Variants in MRPL45 observed in about 807,000 individuals in gnomAD.
MRPL45 encodes mitochondrial ribosomal protein L45.
A neutral mutation model predicts 38.1 loss-of-function variants in MRPL45; 20 were observed. The ratio of observed to expected loss-of-function variants is 0.53; its 90% CI spans 0.37 to 0.76. The LOEUF is 0.76. Among genes scored for constraint, MRPL45 ranks in the 30% least tolerant of loss-of-function variants. The probability of loss-of-function intolerance (pLI) is 0.00; values close to 1 mark genes in which losing one functional copy is unlikely to be tolerated. For missense variants in MRPL45, 337 were observed against 395.6 expected (o/e 0.85, Z 1.26); for synonymous variants, 105 against 128.8 (o/e 0.82, Z 1.25).
At chr17:38,302,504 AAGTTT>A (rs1438056905) in intron 3 of MRPL45, among the ~76,000 whole-genome samples, 9 of 92,410 alleles carry the variant, frequency 9.7e-5, no homozygotes, top group East Asian at 4.4e-4. Flanking sequence ...AAAAAAAAAA[AAGTTT>A]GTTTTTTTTT....
At chr17:38,314,080 T>C (rs562244083) in intron 4 of MRPL45, among the ~76,000 whole-genome samples, 1 of 152,298 alleles carries the variant, frequency 6.6e-6, no homozygotes, top group Admixed American at 6.5e-5. Context: ...TTCCCCCCAT[T>C]TTATGGTTTG....
At chr17:38,299,307 C>T (rs768056905) in intron 2 of MRPL45, 44 bp from the exon 3 acceptor site, 136 of 1,353,976 alleles carry the variant, frequency 1.0e-4, no homozygotes, top group Non-Finnish European at 1.4e-4. Context: ...GAGTTTTTCT[C>T]AATCTTTCAA....
intron 4 of MRPL45, among the ~76,000 whole-genome samples, chr17:38,309,066 C>T (rs537443979): frequency 0.018 from 2,737 of 151,144 alleles, 67 homozygotes; most frequent in African/African-American, 0.063. Flanking sequence ...GCCACCACGC[C>T]CAGCTAATTT....
At chr17:38,301,701 A>T (rs1259693650) in intron 3 of MRPL45, among the ~76,000 whole-genome samples, 1 of 152,242 alleles carries the variant, frequency 6.6e-6, no homozygotes, top group Non-Finnish European at 1.5e-5. Context: ...GTGATGATGA[A>T]CAAAGCACAT....
At chr17:38,318,887 G>A in intron 5 of MRPL45, 152 bp downstream of exon 5, 1 of 631,198 alleles carries the variant, frequency 1.6e-6, no homozygotes, top group South Asian at 1.9e-5. Flanking sequence ...GAGTGCAATG[G>A]TGCGATCTTG....
chr17:38,318,500 C>T (rs1248098783), intron 4 of MRPL45, among the ~76,000 whole-genome samples, 187 bp from the exon 5 acceptor site: 2 of 150,610 alleles, frequency 1.3e-5, no homozygotes, highest in African/African-American at 4.9e-5. Context: ...TTAGGGTTTT[C>T]TGGTAAATCA....
intron 4 of MRPL45, among the ~76,000 whole-genome samples, chr17:38,307,803 T>C (rs2037068982): frequency 6.6e-6 from 1 of 151,838 alleles, no homozygotes; most frequent in Non-Finnish European, 1.5e-5. Context: ...CCAAAACCTG[T>C]AGTCTAAAAT....
Position 38,300,953 on chromosome 17 carries a change from A to T in MRPL45, c.362+1485A>T, listed in dbSNP as rs533135637. On this transcript the variant is annotated intron_variant, in intron 3 of 7. Transcript: ENST00000613675. Reference sequence around the variant, plus strand: ...AAGGGCGAAACTCTGTCTCAAAAAAAAATAATAATAAAAAAGATTTTATCA... The same window carrying T: ...AAGGGCGAAACTCTGTCTCAAAAAATAATAATAATAAAAAAGATTTTATCA... Among the ~76,000 whole-genome samples the T allele has an allele frequency of 5.3e-5, 8 of 152,360 alleles. No individual in the cohort carries two copies. The East Asian group carries it at 9.7e-4, about 18-fold the overall frequency.
At chr17:38,309,207 C>T (rs1345601142) in intron 4 of MRPL45, among the ~76,000 whole-genome samples, 1 of 149,698 alleles carries the variant, frequency 6.7e-6, no homozygotes, top group Admixed American at 6.7e-5. Flanking sequence ...GCCCAGCTGA[C>T]TTTGTGTGCT....
In MRPL45 at chr17:38,311,102, T is replaced by C. The variant is rs569439246; in HGVS notation, c.461+4471T>C. Among the ~76,000 whole-genome samples, 5 of 152,254 alleles carry C rather than the reference T, an allele frequency of 3.3e-5. No homozygotes were observed. In the South Asian group the frequency reaches 1.0e-3, roughly 32 times the overall value. ...AAGTACATTCACAATGTTGTACAATTCTTACCACTATCCATTTCCAGATTT... is the reference window on the plus strand; with the variant it reads ...AAGTACATTCACAATGTTGTACAATCCTTACCACTATCCATTTCCAGATTT... On this transcript the variant is annotated intron_variant, in intron 4 of 7. Coordinates refer to ENST00000613675, the MANE Select transcript of MRPL45 (RefSeq NM_032351.6).
At chr17:38,299,247 T>C (rs1467946963) in intron 2 of MRPL45, 104 bp from the exon 3 acceptor site, 10 of 709,888 alleles carry the variant, frequency 1.4e-5, no homozygotes. Flanking sequence ...GTTTCATTAG[T>C]CTACTTCATA....
chr17:38,321,275 C>T (rs2037227008), intron 6 of MRPL45, among the ~76,000 whole-genome samples: 1 of 152,212 alleles, frequency 6.6e-6, no homozygotes, highest in South Asian at 2.1e-4. Flanking sequence ...GTGCCCCACT[C>T]CTTCTTGGTC....
intron 1 of MRPL45, 129 bp downstream of exon 1, chr17:38,297,378 C>T: frequency 1.2e-6 from 1 of 866,504 alleles, no homozygotes; most frequent in Non-Finnish European, 1.9e-6. Context: ...GGGGAAGAGG[C>T]TTAGGTGGAC....
intron 3 of MRPL45, among the ~76,000 whole-genome samples, chr17:38,299,855 G>C (rs1031047873): frequency 2.6e-5 from 4 of 151,502 alleles, no homozygotes; most frequent in Non-Finnish European, 5.9e-5. Context: ...TCCTGCCTCA[G>C]CCTCCTGAGT....
chr17:38,302,505 A>AAG lies in MRPL45; in HGVS notation c.362+3037_362+3038insAG, dbSNP rs1567713066. On this transcript the variant is annotated intron_variant, in intron 3 of 7. Coordinates refer to ENST00000613675, the MANE Select transcript of MRPL45 (RefSeq NM_032351.6). ...CCATCTCAAAAAAAAAAAAAAAAAA[A>AAG]GTTTGTTTTTTTTTTTTTTTTTTAG... Among the ~76,000 whole-genome samples the AAG allele has an allele frequency of 1.4e-4, 7 of 50,650 alleles. 1 individual carries two copies. Among genetic ancestry groups the AAG allele is most frequent in the Admixed American group, 7.6e-4 (3 of 3,968 alleles). 33.2% of individuals were successfully genotyped at this position (50,650 alleles called of 152,430 possible).
At chr17:38,311,875 TATG>T (rs1212940787) in intron 4 of MRPL45, among the ~76,000 whole-genome samples, 2 of 152,060 alleles carry the variant, frequency 1.3e-5, no homozygotes, top group Admixed American at 1.3e-4. Flanking sequence ...CCACCTGGTT[TATG>T]ATATTTTTGT....
chr17:38,320,345 A>C (rs1483927299), intron 5 of MRPL45, among the ~76,000 whole-genome samples: 2 of 152,064 alleles, frequency 1.3e-5, no homozygotes, highest in East Asian at 3.9e-4. Context: ...GGCAGTTTGG[A>C]ATGTGGTTTT....
At chr17:38,315,349 G>C (rs2077155322) in intron 4 of MRPL45, among the ~76,000 whole-genome samples, 1 of 152,036 alleles carries the variant, frequency 6.6e-6, no homozygotes, top group South Asian at 2.1e-4. Flanking sequence ...TCAACCTGCT[G>C]GGCTCAAGCG....
At chr17:38,302,733 C>CT (rs964374981) in intron 3 of MRPL45, among the ~76,000 whole-genome samples, 17 of 150,334 alleles carry the variant, frequency 1.1e-4, no homozygotes, top group South Asian at 2.1e-4. Flanking sequence ...TTCTTTTCTT[C>CT]TTTTTTTTTG....
Sources: allele counts gnomAD v4.1 joint callset (sites outside exome capture counted in the v4.1 genomes callset), GRCh38; gene constraint gnomAD v4.1.1; transcripts MANE v1.5; gene names NCBI Gene and HGNC (gene_info 2026-07-23, HGNC 2026-07-21).